The following TTC21B variants were observed in gnomAD, a reference collection of about 807,000 sequenced individuals.
The protein encoded by TTC21B is tetratricopeptide repeat domain 21B, also known as tetratricopeptide repeat protein 21B.
In TTC21B, 127 loss-of-function variants were observed where a neutral mutation model predicts 175.1. The ratio of observed to expected loss-of-function variants is 0.73; its 90% CI spans 0.63 to 0.84. TTC21B has a LOEUF of 0.84. Ranked by LOEUF, TTC21B falls within the 40% of genes least tolerant of loss-of-function variation. TTC21B has a pLI of 0.00. For synonymous variants in TTC21B, 524 were observed against 524.5 expected (o/e 1.00, Z 0.01); for missense variants, 1,561 against 1,558.3 (o/e 1.00, Z -0.03).
At chr2:165,901,934 G>C in intron 19 of TTC21B, 24 bp from the exon 20 acceptor site, 1 of 1,568,940 alleles carries the variant, frequency 6.4e-7, no homozygotes, top group East Asian at 2.3e-5. Context: ...GTATAAAAGG[G>C]AATAAAAAAA....
At chr2:165,891,143 G>A (rs1685178373) in intron 22 of TTC21B, among the ~76,000 whole-genome samples, 155 bp from the exon 23 acceptor site, 1 of 152,040 alleles carries the variant, frequency 6.6e-6, no homozygotes, top group Non-Finnish European at 1.5e-5. Context: ...TATAGAGGCT[G>A]TATGGCCAAC....
At chr2:165,907,582 T>C in intron 19 of TTC21B, 96 bp downstream of exon 19, 1 of 783,508 alleles carries the variant, frequency 1.3e-6, no homozygotes, top group Non-Finnish European at 2.2e-6. Flanking sequence ...CTGTAGCTGT[T>C]TGGCCAAAAG....
At chr2:165,902,086 G>A (rs969274731) in intron 19 of TTC21B, among the ~76,000 whole-genome samples, 176 bp from the exon 20 acceptor site, 2 of 152,148 alleles carry the variant, frequency 1.3e-5, no homozygotes, top group Non-Finnish European at 2.9e-5. Context: ...ATTTGCAAAT[G>A]AGCCAGCACA....
chr2:165,931,640 T>C (rs570201542), intron 8 of TTC21B, 118 bp downstream of exon 8: 48 of 837,762 alleles, frequency 5.7e-5, no homozygotes, highest in Non-Finnish European at 8.9e-5. Context: ...GTATATCATA[T>C]ATTTAAATAC....
chr2:165,924,003 T>C (rs1426328449), intron 12 of TTC21B, among the ~76,000 whole-genome samples: 9 of 152,140 alleles, frequency 5.9e-5, no homozygotes, highest in Admixed American at 5.9e-4. Flanking sequence ...TCTGCTCGCT[T>C]TGGCCTCCCA....
At chr2:165,950,789 A>G (rs1687740790) in intron 1 of TTC21B, among the ~76,000 whole-genome samples, 1 of 152,032 alleles carries the variant, frequency 6.6e-6, no homozygotes, top group African/African-American at 2.4e-5. Context: ...TGTATTTTTA[A>G]GTAGAGATGG....
At chr2:165,953,241 T>C (rs143296594) in intron 1 of TTC21B, among the ~76,000 whole-genome samples, 255 of 152,326 alleles carry the variant, frequency 1.7e-3, no homozygotes, top group African/African-American at 5.8e-3. Context: ...CACCCTAAAA[T>C]AACGACCCCT....
Position 165,874,622 on chromosome 2 carries a change from C to T in TTC21B, c.*133G>A, listed in dbSNP as rs577122541. ...TAGTACTTCTCTTGATGTACAGCAG[C>T]AACCTCTGCTGGAGAAAAAAGGGTA... On this transcript the variant is annotated 3_prime_UTR_variant, in exon 29 of 29. Coordinates refer to ENST00000243344, the MANE Select transcript of TTC21B (RefSeq NM_024753.5). 1.2e-5 allele frequency: 9 copies of T among 767,214 alleles called. No individual in the cohort carries two copies. Among genetic ancestry groups the T allele is most frequent in the Non-Finnish European group, 2.0e-5 (9 of 444,920 alleles). 47.5% of individuals were successfully genotyped at this position (767,214 alleles called of 1,614,324 possible).
intron 11 of TTC21B, among the ~76,000 whole-genome samples, chr2:165,928,053 A>G (rs1002356709): frequency 2.6e-5 from 4 of 152,182 alleles, no homozygotes; most frequent in Non-Finnish European, 5.9e-5. Context: ...ATCAATTTGG[A>G]AAGAAATCTC....
At chr2:165,909,621 C>T (rs1340966786) in intron 18 of TTC21B, among the ~76,000 whole-genome samples, 2 of 152,110 alleles carry the variant, frequency 1.3e-5, no homozygotes, top group Admixed American at 6.5e-5. Flanking sequence ...ACTAACACGA[C>T]ATAATGTCAG....
chr2:165,945,639 C>T lies in TTC21B; in HGVS notation c.314G>A (p.Gly105Glu). ...SDARVKEQRK[G>E]AGEKALYHAG... Reference sequence around the variant, plus strand: ...ATGGTATAAGGCTTTCTCTCCAGCTCCTTTACGTTGTTCCTTCACTCTGGC... The same window carrying T: ...ATGGTATAAGGCTTTCTCTCCAGCTTCTTTACGTTGTTCCTTCACTCTGGC... The change falls in exon 4 of 29, where the codon GGA (glycine) becomes GAA (glutamate). Residue 105 changes from glycine (G) to glutamate (E), a missense_variant. By Grantham distance (98) the Gly-to-Glu change is moderately conservative. Coordinates refer to ENST00000243344, the MANE Select transcript of TTC21B (RefSeq NM_024753.5). 6.2e-7 allele frequency: 1 copy of T among 1,613,736 alleles called. No homozygotes were observed.
intron 25 of TTC21B, among the ~76,000 whole-genome samples, chr2:165,887,923 G>A (rs1685063214): frequency 6.6e-6 from 1 of 152,038 alleles, no homozygotes; most frequent in Admixed American, 6.6e-5. Flanking sequence ...AAGATATCAG[G>A]GCAGCCAGGT....
chr2:165,927,937 G>C (rs1686738266), intron 11 of TTC21B, among the ~76,000 whole-genome samples: 1 of 152,184 alleles, frequency 6.6e-6, no homozygotes, highest in African/African-American at 2.4e-5. Context: ...ACGCTTGATA[G>C]TGCCTGCTCT....
rs1247824933 is a variant in TTC21B, at chr2:165,912,523, G to T, written c.2313C>A (p.Asn771Lys). 6.2e-7 allele frequency: 1 copy of T among 1,612,106 alleles called. No homozygotes were observed. Among genetic ancestry groups the T allele is most frequent in the Non-Finnish European group, 8.5e-7 (1 of 1,178,332 alleles). Residue 771 changes from asparagine (N) to lysine (K), a missense_variant, in exon 17 of 29, where the codon AAC becomes AAA. Coordinates refer to ENST00000243344, the MANE Select transcript of TTC21B (RefSeq NM_024753.5). ...KMGKALIKTH[N>K]YSMAITYYEA... ...ACAATAAAGTACTTACCATTGAGTA[G>T]TTATGAGTTTTGATAAGTGCTTTGC...
intron 21 of TTC21B, 135 bp from the exon 22 acceptor site, chr2:165,898,902 T>C: frequency 1.5e-6 from 1 of 686,514 alleles, no homozygotes; most frequent in Non-Finnish European, 2.6e-6. Context: ...AAAGGAGGCA[T>C]TTAAGATTCA....
At position 165,901,797 on chromosome 2, in the gene TTC21B, A is replaced by G; in HGVS notation, c.2682T>C (p.Ser894=). The G allele has an allele frequency of 6.2e-7, 1 of 1,614,170 alleles. No individual in the cohort carries two copies. The highest frequency in any genetic ancestry group is 8.5e-7 in the Non-Finnish European group (1 of 1,180,020). The change falls in exon 20 of 29, where the codon TCT becomes TCC. Residue 894 remains serine, a synonymous_variant. Transcript: ENST00000243344. ...CTTTTTCATAGTCTCGCTGAGCAAC[A>G]GAATGTTTTGCAATCTCTGCACAAA... is the stretch of plus-strand genomic sequence containing the variant. ...AEICAEIAKH[S]VAQRDYEKAI...
chr2:165,935,791 T>C (rs977732149), intron 6 of TTC21B, among the ~76,000 whole-genome samples: 10 of 152,114 alleles, frequency 6.6e-5, no homozygotes, highest in Non-Finnish European at 1.5e-4. Context: ...AGGAAAATTT[T>C]TAAATTCTGA....
intron 4 of TTC21B, among the ~76,000 whole-genome samples, chr2:165,944,539 T>G (rs1687482244): frequency 6.6e-6 from 1 of 152,146 alleles, no homozygotes; most frequent in African/African-American, 2.4e-5. Flanking sequence ...TTCACTGCAT[T>G]TCAGTTTATT....
At position 165,915,378 on chromosome 2, in the gene TTC21B, A is replaced by G; in HGVS notation, c.1961T>C (p.Val654Ala). 6.2e-7 allele frequency: 1 copy of G among 1,614,094 alleles called. No homozygotes were observed. Among genetic ancestry groups the G allele is most frequent in the Non-Finnish European group, 8.5e-7 (1 of 1,179,974 alleles). ...IHEFSGTSEE[V>A]RVTIANADLA... ...GTCTGCATTAGCAATGGTAACCCGC[A>G]CTTCTTCAGATGTTCCAGAAAATTC... Residue 654 changes from valine (V) to alanine (A), a missense_variant, in exon 15 of 29, where the codon GTG (valine) becomes GCG (alanine). Coordinates refer to ENST00000243344, the MANE Select transcript of TTC21B (RefSeq NM_024753.5).
Sources: gnomAD v4.1 joint callset for allele counts (sites outside exome capture counted in the v4.1 genomes callset) on GRCh38, gnomAD v4.1.1 for gene constraint, MANE v1.5 for transcripts, NCBI Gene and HGNC (gene_info 2026-07-23, HGNC 2026-07-21) for gene names.